WIPF1: variants seen among roughly 807,000 people sequenced by gnomAD.
WIPF1 encodes WAS/WASL-interacting protein family member 1.
In WIPF1, 13 loss-of-function variants were observed where a neutral mutation model predicts 35.4. The ratio of observed to expected loss-of-function variants is 0.37; its 90% confidence interval spans 0.24 to 0.58. The LOEUF is 0.58. Among genes scored for constraint, WIPF1 ranks in the 20% least tolerant of loss-of-function variants. The pLI is 0.74. For missense variants in WIPF1, 591 were observed against 667.0 expected (o/e 0.89, Z 1.25); for synonymous variants, 267 against 266.3 (o/e 1.00, Z -0.02).
At chr2:174,657,557 T>C (rs773588032) in intron 1 of WIPF1, among the ~76,000 whole-genome samples, 3 of 151,964 alleles carry the variant, frequency 2.0e-5, no homozygotes, top group Non-Finnish European at 2.9e-5. Context: ...AAACTGAACA[T>C]GAACTCCTTT....
intron 1 of WIPF1, among the ~76,000 whole-genome samples, chr2:174,636,983 C>G (rs2115873): frequency 0.78 from 119,295 of 152,150 alleles, 47,103 homozygotes; most frequent in East Asian, 0.97. Context: ...CATACTCTTT[C>G]GAAGAAAGTC....
chr2:174,671,551 C>T (rs1688018827), intron 1 of WIPF1, among the ~76,000 whole-genome samples: 1 of 152,134 alleles, frequency 6.6e-6, no homozygotes, highest in Non-Finnish European at 1.5e-5. Flanking sequence ...AGAACAGAGC[C>T]ATATTTCTCT....
Position 174,571,168 on chromosome 2 carries a change from G to T in WIPF1, c.1129+508C>A, listed in dbSNP as rs1684819804. 1 of 198,402 alleles carries T rather than the reference G, an allele frequency of 5.0e-6. No individual in the cohort carries two copies. The highest frequency in any genetic ancestry group is 1.0e-5 in the Non-Finnish European group (1 of 96,312). The allele number at this position is 198,402 out of a possible 1,614,324, so 12.3% of individuals were successfully genotyped here. ...TACCAGAGATTACAAAGAGCAAAAT[G>T]GACTTTTTAAACATTAGTCTTTAAT... On this transcript the variant is annotated intron_variant, in intron 5 of 7. Transcript: ENST00000679041. This position sits in a 1 kb window ranked among gnomAD's most constrained non-coding sequence, Gnocchi z 4.6.
chr2:174,564,814 T>TGC (rs1192417779), intron 7 of WIPF1, among the ~76,000 whole-genome samples: 1 of 94,986 alleles, frequency 1.1e-5, no homozygotes, highest in Non-Finnish European at 2.2e-5. Context: ...CTTCTTCTGG[T>TGC]GCACACACAC....
At chr2:174,666,464 C>T (rs891046116) in intron 1 of WIPF1, among the ~76,000 whole-genome samples, 2 of 152,232 alleles carry the variant, frequency 1.3e-5, no homozygotes, top group Non-Finnish European at 2.9e-5. Flanking sequence ...ACTCACTGGA[C>T]TGTCTTATGC....
At chr2:174,608,595 C>G (rs1686247610) in intron 1 of WIPF1, among the ~76,000 whole-genome samples, 1 of 152,052 alleles carries the variant, frequency 6.6e-6, no homozygotes, top group South Asian at 2.1e-4. Flanking sequence ...AAGTGGCCCC[C>G]AGGGGAAAAC....
intron 1 of WIPF1, among the ~76,000 whole-genome samples, chr2:174,608,122 G>T (rs746818737): frequency 9.2e-5 from 14 of 152,116 alleles, no homozygotes; most frequent in Non-Finnish European, 1.5e-4. Flanking sequence ...TCTTTCTCAC[G>T]CAGGGCTGTT....
upstream of WIPF1, among the ~76,000 whole-genome samples, chr2:174,602,262 A>G (rs1316570120): frequency 6.6e-6 from 1 of 152,238 alleles, no homozygotes; most frequent in East Asian, 1.9e-4. Flanking sequence ...ACAATAATGT[A>G]GGTCTAGCCA....
chr2:174,625,034 T>G (rs369199755), intron 1 of WIPF1, among the ~76,000 whole-genome samples: 1 of 152,118 alleles, frequency 6.6e-6, no homozygotes, highest in Non-Finnish European at 1.5e-5. Context: ...TTCCAAGGCT[T>G]GCAGAACCCC....
chr2:174,585,358 A>G (rs1472913200), intron 2 of WIPF1, among the ~76,000 whole-genome samples, 165 bp downstream of exon 2: 1 of 152,156 alleles, frequency 6.6e-6, no homozygotes, highest in East Asian at 1.9e-4. Context: ...TGTTGTTTGT[A>G]TTTGCTGGGT....
chr2:174,653,973 C>A (rs1687592726), intron 1 of WIPF1, among the ~76,000 whole-genome samples: 1 of 152,100 alleles, frequency 6.6e-6, no homozygotes, highest in Non-Finnish European at 1.5e-5. Flanking sequence ...TACTCAACAA[C>A]CTCTCCTGGT....
In WIPF1 at chr2:174,561,164, T is replaced by C. The variant is rs907799764; in HGVS notation, c.*1383A>G. ...GTCCTTTAGTGGAGCTATATTTGCA[T>C]AGATCCTAGACAAATGATGCAAAAC... On this transcript the variant is annotated 3_prime_UTR_variant, in exon 8 of 8. Transcript: ENST00000679041. 2.0e-5 allele frequency: 3 copies of C among 152,658 alleles called. No homozygotes were observed. The highest frequency in any genetic ancestry group is 6.5e-5 in the Admixed American group (1 of 15,290). 9.5% of individuals were successfully genotyped at this position (152,658 alleles called of 1,614,324 possible).
chr2:174,565,378 T>C (rs989028272), intron 7 of WIPF1, among the ~76,000 whole-genome samples: 3 of 152,236 alleles, frequency 2.0e-5, no homozygotes, highest in African/African-American at 7.2e-5. Context: ...TTTTCCTATA[T>C]TTTCTAACTC....
chr2:174,643,084 G>A (rs1225304163), intron 1 of WIPF1, among the ~76,000 whole-genome samples: 1 of 149,172 alleles, frequency 6.7e-6, no homozygotes, highest in Non-Finnish European at 1.5e-5. Flanking sequence ...GGAGGTGGGG[G>A]AAGGAACCAT....
Position 174,561,697 on chromosome 2 carries a change from C to G in WIPF1, c.*850G>C, listed in dbSNP as rs1246741415. 1 of 173,618 alleles carries G rather than the reference C, an allele frequency of 5.8e-6. No individual in the cohort carries two copies. The highest frequency in any genetic ancestry group is 5.6e-5 in the Admixed American group (1 of 17,918). 10.8% of individuals were successfully genotyped at this position (173,618 alleles called of 1,614,324 possible). Reference sequence around the variant, plus strand: ...ATTTTTAGTTGCCTCTTGAATCGCTCAAGCCCATCTTGCCTTTTTTGTTTT... The same window carrying G: ...ATTTTTAGTTGCCTCTTGAATCGCTGAAGCCCATCTTGCCTTTTTTGTTTT... On this transcript the variant is annotated 3_prime_UTR_variant, in exon 8 of 8. Transcript: ENST00000679041.
rs761842397 is a variant in WIPF1 at position 174,567,963 on chromosome 2, G to C, written c.1240C>G (p.Pro414Ala). The C allele has an allele frequency of 1.9e-6, 3 of 1,614,032 alleles. No homozygotes were observed. In the Admixed American group the frequency reaches 5.0e-5, roughly 27 times the overall value. The change falls in exon 6 of 8, where the codon CCC (proline) becomes GCC (alanine). Residue 414 changes from proline (P) to alanine (A), a missense_variant. Physicochemically the swap from Pro to Ala is conservative, Grantham distance 27. Transcript: ENST00000679041. ...RSGVDSPRSG[P>A]RPPLPPDRPS... ...CTATCAGGAGGAAGGGGAGGCCTGG[G>C]TCCACTCCTGGGACTGTCTACTCCA... is the stretch of plus-strand genomic sequence containing the variant.
intron 4 of WIPF1, chr2:174,574,818 T>C (rs1287970683): frequency 1.4e-5 from 10 of 707,016 alleles, no homozygotes; most frequent in African/African-American, 8.9e-5. Flanking sequence ...GGCTCACAAG[T>C]ATTTACTCTA....
chr2:174,585,726 A>T (rs1357652351), intron 1 of WIPF1, 115 bp from the exon 2 acceptor site: 8 of 743,020 alleles, frequency 1.1e-5, no homozygotes, highest in East Asian at 8.2e-5. Context: ...CTTAGAAGAG[A>T]TGGGCTTACC....
At chr2:174,607,792 G>A (rs1376575793) in intron 1 of WIPF1, among the ~76,000 whole-genome samples, 1 of 152,204 alleles carries the variant, frequency 6.6e-6, no homozygotes, top group Non-Finnish European at 1.5e-5. Context: ...AGCTCCACGA[G>A]GGCAGAGTTT....
Sources: gnomAD v4.1 joint callset for allele counts (sites outside exome capture counted in the v4.1 genomes callset) on GRCh38, gnomAD v4.1.1 for gene constraint, Gnocchi (gnomAD v3.1) non-coding constraint, MANE v1.5 for transcripts, NCBI Gene and HGNC (gene_info 2026-07-23, HGNC 2026-07-21) for gene names.